The following MAPKAPK5 variants were observed in gnomAD, a reference collection of about 807,000 sequenced individuals.
The protein encoded by MAPKAPK5 is MAP kinase-activated protein kinase 5.
MAPKAPK5 carries 30 observed loss-of-function variants against 65.1 expected under a neutral mutation model. The ratio of observed to expected loss-of-function variants is 0.46; its 90% CI spans 0.34 to 0.63. The LOEUF is 0.63. Among genes scored for constraint, MAPKAPK5 ranks in the 20% least tolerant of loss-of-function variants. The probability of loss-of-function intolerance (pLI) is 0.01; values close to 1 mark genes in which losing one functional copy is unlikely to be tolerated. For missense variants in MAPKAPK5, 433 were observed against 581.4 expected, an observed-to-expected ratio of 0.74 and a Z score of 2.63; for synonymous variants, 179 against 204.6, an observed-to-expected ratio of 0.87 and a Z score of 1.07.
rs1383414449 is a variant in MAPKAPK5 at position 111,899,945 on chromosome 12, G to A, written c.*6884G>A. 6 of 455,976 alleles carry A rather than the reference G, an allele frequency of 1.3e-5. No individual in the cohort carries two copies. The highest frequency in any genetic ancestry group is 2.6e-5 in the Non-Finnish European group (6 of 226,808). The allele number at this position is 455,976 out of a possible 1,614,324, so 28.2% of individuals were successfully genotyped here. ...ATCTACAGGCACTGTCCTACTTGTG[G>A]TCACACAAAAAGTACGTGGAGATGT... is the stretch of plus-strand genomic sequence containing the variant. On this transcript the variant is annotated 3_prime_UTR_variant, in exon 14 of 14. Transcript: ENST00000550735.
intron 1 of MAPKAPK5, among the ~76,000 whole-genome samples, chr12:111,862,561 T>C (rs2069475400): frequency 6.6e-6 from 1 of 151,864 alleles, no homozygotes; most frequent in African/African-American, 2.4e-5. Context: ...ATTAGTTGGG[T>C]GTGGTGGTGC....
rs901047192 is a variant in MAPKAPK5, at chr12:111,899,098, A to G, written c.*6037A>G. 1 of 152,330 alleles carries G rather than the reference A, an allele frequency of 6.6e-6. No homozygotes were observed. The highest frequency in any genetic ancestry group is 1.5e-5 in the Non-Finnish European group (1 of 68,114). The allele number at this position is 152,330 out of a possible 1,614,324, so 9.4% of individuals were successfully genotyped here. ...AGGCCAGGAGAGAAGCAGGAAGAGA[A>G]ACACGGCTTGAAGTTCTGTAAGAAT... On this transcript the variant is annotated 3_prime_UTR_variant, in exon 14 of 14. Transcript: ENST00000550735.
At position 111,842,470 on chromosome 12, in the gene MAPKAPK5, A is replaced by T. The variant is rs1198958579; in HGVS notation, c.-264A>T. ...TGCCTCCCCAGCTGGGGATGAGGCT[A>T]GGAGGCGGCCGCGTGGGGCCCAGCA... is the stretch of plus-strand genomic sequence containing the variant. On this transcript the variant is annotated 5_prime_UTR_variant, in exon 1 of 14. Coordinates refer to ENST00000550735, the MANE Select transcript of MAPKAPK5 (RefSeq NM_003668.4). The T allele has an allele frequency of 3.3e-6, 1 of 301,066 alleles. No homozygotes were observed. The highest frequency in any genetic ancestry group is 6.1e-6 in the Non-Finnish European group (1 of 163,296). The allele number at this position is 301,066 out of a possible 1,614,324, so 18.6% of individuals were successfully genotyped here.
In MAPKAPK5 at chr12:111,843,107, C is replaced by T. The variant is rs560384703; in HGVS notation, c.36+338C>T. The T allele has an allele frequency of 7.5e-6, 3 of 398,674 alleles. No homozygotes were observed. In the Admixed American group the frequency reaches 1.3e-4, roughly 18 times the overall value. The allele number at this position is 398,674 out of a possible 1,614,324, so 24.7% of individuals were successfully genotyped here. On this transcript the variant is annotated intron_variant, in intron 1 of 13. Coordinates refer to ENST00000550735, the MANE Select transcript of MAPKAPK5 (RefSeq NM_003668.4). Reference sequence around the variant, plus strand: ...ACGTTTCGATCACTCCCCAAGGCCGCCAGCATTTGCTTCCGGATGGTCTAC... The same window carrying T: ...ACGTTTCGATCACTCCCCAAGGCCGTCAGCATTTGCTTCCGGATGGTCTAC...
intron 7 of MAPKAPK5, among the ~76,000 whole-genome samples, chr12:111,872,845 A>G (rs1174052584): frequency 6.6e-6 from 1 of 152,124 alleles, no homozygotes; most frequent in Non-Finnish European, 1.5e-5. Context: ...CATTGGCCTT[A>G]CCTAGATAAC....
intron 11 of MAPKAPK5, 77 bp from the exon 12 acceptor site, chr12:111,888,808 T>A: frequency 6.4e-7 from 1 of 1,558,758 alleles, no homozygotes; most frequent in East Asian, 2.3e-5. Flanking sequence ...TGTTGCCTTA[T>A]GTTTAGAGGT....
chr12:111,850,109 AC>A (rs1186219751), intron 1 of MAPKAPK5, among the ~76,000 whole-genome samples: 1 of 151,798 alleles, frequency 6.6e-6, no homozygotes, highest in African/African-American at 2.4e-5. Context: ...GCTCACTGCA[AC>A]CTCTGCCTCC....
At chr12:111,862,649 G>A (rs575230170) in intron 1 of MAPKAPK5, among the ~76,000 whole-genome samples, 2 of 152,210 alleles carry the variant, frequency 1.3e-5, no homozygotes, top group South Asian at 2.1e-4. Context: ...GCCAGATCAC[G>A]CCATTGTGCT....
At chr12:111,860,530 CT>C (rs1392112289) in intron 1 of MAPKAPK5, among the ~76,000 whole-genome samples, 1 of 152,190 alleles carries the variant, frequency 6.6e-6, no homozygotes, top group African/African-American at 2.4e-5. Context: ...CATGAATTTT[CT>C]TCCTCACCCC....
intron 9 of MAPKAPK5, among the ~76,000 whole-genome samples, chr12:111,884,967 G>A (rs2070357744): frequency 6.6e-6 from 1 of 152,188 alleles, no homozygotes; most frequent in Admixed American, 6.5e-5. Context: ...AGGAACGTGG[G>A]TGCAATGATT....
At chr12:111,888,451 A>G in intron 10 of MAPKAPK5, 37 bp from the exon 11 acceptor site, 14 of 1,609,368 alleles carry the variant, frequency 8.7e-6, no homozygotes, top group Non-Finnish European at 1.2e-5. Flanking sequence ...GTGCCCAGCA[A>G]TGAATATGAA....
At chr12:111,878,654 C>CGA (rs1180131297) in intron 7 of MAPKAPK5, among the ~76,000 whole-genome samples, 1 of 151,918 alleles carries the variant, frequency 6.6e-6, no homozygotes, top group Non-Finnish European at 1.5e-5. Flanking sequence ...CTCCTGACCT[C>CGA]GTGATCCTCC....
In MAPKAPK5 at chr12:111,893,136, TAATA is replaced by T. The variant is rs748529488; in HGVS notation, c.*79_*82del. On this transcript the variant is annotated 3_prime_UTR_variant, in exon 14 of 14. Coordinates refer to ENST00000550735, the MANE Select transcript of MAPKAPK5 (RefSeq NM_003668.4). ...ATGTATAAAGTAATTTTATGTAAATTAATAAATCATAATTTCATTTCCACATTGA... is the reference window on the plus strand; with the variant it reads ...ATGTATAAAGTAATTTTATGTAAATTAATCATAATTTCATTTCCACATTGA... 2.9e-4 allele frequency: 302 copies of T among 1,040,288 alleles called. 1 individual carries two copies. The highest frequency in any genetic ancestry group is 3.7e-4 in the Non-Finnish European group (270 of 723,540). 64.4% of individuals were successfully genotyped at this position (1,040,288 alleles called of 1,614,324 possible).
intron 6 of MAPKAPK5, 65 bp from the exon 7 acceptor site, chr12:111,871,020 C>T (rs1318117865): frequency 8.1e-7 from 1 of 1,241,926 alleles, no homozygotes; most frequent in Non-Finnish European, 1.2e-6. Context: ...TGTCTTACAC[C>T]TGGATTTTCC....
intron 1 of MAPKAPK5, among the ~76,000 whole-genome samples, chr12:111,855,227 T>G (rs891526291): frequency 6.6e-6 from 1 of 152,164 alleles, no homozygotes; most frequent in Non-Finnish European, 1.5e-5. Context: ...TAATCAACTT[T>G]TGGTTTTCAT....
At position 111,895,825 on chromosome 12, in the gene MAPKAPK5, G is replaced by A. The variant is rs973722914; in HGVS notation, c.*2764G>A. ...ATTACAGGCGTGAGCCACCGTGCGCGACCTGAATACTTTTCATGATGGCAA... is the reference window on the plus strand; with the variant it reads ...ATTACAGGCGTGAGCCACCGTGCGCAACCTGAATACTTTTCATGATGGCAA... On this transcript the variant is annotated 3_prime_UTR_variant, in exon 14 of 14. Coordinates refer to ENST00000550735, the MANE Select transcript of MAPKAPK5 (RefSeq NM_003668.4). 4 of 152,092 alleles carry A rather than the reference G, an allele frequency of 2.6e-5. No individual in the cohort carries two copies. Among genetic ancestry groups the A allele is most frequent in the African/African-American group, 7.2e-5 (3 of 41,412 alleles). 9.4% of individuals were successfully genotyped at this position (152,092 alleles called of 1,614,324 possible).
intron 1 of MAPKAPK5, among the ~76,000 whole-genome samples, chr12:111,860,606 A>G (rs1282777880): frequency 1.3e-5 from 2 of 152,140 alleles, no homozygotes; most frequent in African/African-American, 4.8e-5. Flanking sequence ...ATGTTGGGAA[A>G]ACTAGCATTG....
At chr12:111,869,048 G>T (rs1264820116) in intron 5 of MAPKAPK5, among the ~76,000 whole-genome samples, 187 bp downstream of exon 5, 3 of 152,252 alleles carry the variant, frequency 2.0e-5, no homozygotes, top group South Asian at 4.2e-4. Context: ...GGGGGTGGGG[G>T]TACTGTGTTC....
chr12:111,888,415 T>C, intron 10 of MAPKAPK5, 73 bp from the exon 11 acceptor site: 1 of 1,571,088 alleles, frequency 6.4e-7, no homozygotes. Flanking sequence ...GCTTTTCCTT[T>C]CCACTTTCTT....
Sources: gnomAD v4.1 joint callset for allele counts (sites outside exome capture counted in the v4.1 genomes callset) on GRCh38, gnomAD v4.1.1 for gene constraint, MANE v1.5 for transcripts, NCBI Gene and HGNC (gene_info 2026-07-23, HGNC 2026-07-21) for gene names.